Variants in ZBTB16 observed in about 807,000 individuals in gnomAD.
ZBTB16 encodes the protein zinc finger and BTB domain containing 16, also known as zinc finger and BTB domain-containing protein 16.
In ZBTB16, 8 loss-of-function variants were observed where a neutral mutation model predicts 56.8. The observed-to-expected ratio is 0.14, with a 90% CI of 0.08 to 0.25. The LOEUF (loss-of-function observed/expected upper bound fraction) is 0.25. Ranked by LOEUF, ZBTB16 falls within the 10% of genes least tolerant of loss-of-function variation. ZBTB16 has a pLI of 1.00. For missense variants in ZBTB16, 625 were observed against 903.0 expected (o/e 0.69, Z 3.95); for synonymous variants, 363 against 368.5 (o/e 0.98, Z 0.17).
In ZBTB16 at chr11:114,147,546, C is replaced by T. The variant is rs182925891; in HGVS notation, c.1269-8791C>T. 3.3e-5 allele frequency among the ~76,000 whole-genome samples: 5 copies of T among 152,160 alleles called. No homozygotes were observed. The East Asian group carries it at 9.6e-4, about 29-fold the overall frequency. The stretch of plus-strand genomic sequence containing the variant: ...GAATATTTTGGATTTATTTTTGTTT[C>T]CCTTGGGCTGACATCATCAAGCATG... On this transcript the variant is annotated intron_variant, in intron 2 of 6. Transcript: ENST00000335953.
Position 114,060,803 on chromosome 11 carries a change from C to A in ZBTB16, c.-91+921C>A, listed in dbSNP as rs1938812499. On this transcript the variant is annotated intron_variant, in intron 1 of 6. Transcript: ENST00000335953. This position sits in a 1 kb window ranked among gnomAD's most constrained non-coding sequence, Gnocchi z 6.0. ...ACCGTGCTTGGGCCGGGCGCGCTGG[C>A]CGCTGGCGCCGCTGGCCAGAGGCCT... is the stretch of plus-strand genomic sequence containing the variant. Among the ~76,000 whole-genome samples the A allele has an allele frequency of 6.6e-6, 1 of 152,008 alleles. No homozygotes were observed. Among genetic ancestry groups the A allele is most frequent in the Non-Finnish European group, 1.5e-5 (1 of 67,978 alleles).
chr11:114,075,117 T>C (rs1939499944), intron 2 of ZBTB16, among the ~76,000 whole-genome samples: 3 of 152,206 alleles, frequency 2.0e-5, no homozygotes, highest in East Asian at 1.9e-4. Context: ...TTTTCTTTTT[T>C]CTTTTTCTTG....
At chr11:114,177,235 C>T (rs769975440) in intron 3 of ZBTB16, among the ~76,000 whole-genome samples, 36 of 152,330 alleles carry the variant, frequency 2.4e-4, no homozygotes, top group Non-Finnish European at 4.6e-4. Flanking sequence ...GAAGTTGATG[C>T]TGGTACCGTA....
At chr11:114,126,671 C>G (rs1941517120) in intron 2 of ZBTB16, among the ~76,000 whole-genome samples, 1 of 152,168 alleles carries the variant, frequency 6.6e-6, no homozygotes, top group Non-Finnish European at 1.5e-5. Context: ...ATTACTGTCT[C>G]TTGAGCGAGG....
chr11:114,099,430 T>C, intron 2 of ZBTB16, among the ~76,000 whole-genome samples: 1 of 152,100 alleles, frequency 6.6e-6, no homozygotes, highest in African/African-American at 2.4e-5. Context: ...GTAGGTATTA[T>C]TTAGATTTAT....
chr11:114,174,401 C>G (rs1442504522), intron 3 of ZBTB16, among the ~76,000 whole-genome samples: 1 of 151,832 alleles, frequency 6.6e-6, no homozygotes, highest in Non-Finnish European at 1.5e-5. Context: ...ATATCTAAGG[C>G]CAGGCATGGT....
chr11:114,198,807 T>C (rs962832208), intron 4 of ZBTB16, among the ~76,000 whole-genome samples: 1 of 152,178 alleles, frequency 6.6e-6, no homozygotes, highest in African/African-American at 2.4e-5. Context: ...TGGTGTACAG[T>C]CTGTGGATTT....
chr11:114,224,869 C>G (rs1365858891), intron 4 of ZBTB16, among the ~76,000 whole-genome samples: 2 of 152,180 alleles, frequency 1.3e-5, no homozygotes, highest in Non-Finnish European at 2.9e-5. Flanking sequence ...GTCTGTTGCT[C>G]TTAGTGACAT....
chr11:114,209,977 C>G (rs1943962125), intron 4 of ZBTB16: 2 of 984,284 alleles, frequency 2.0e-6, no homozygotes, highest in Non-Finnish European at 2.4e-6. Context: ...TTATTAGGAG[C>G]AAGACTTCAG....
intron 3 of ZBTB16, among the ~76,000 whole-genome samples, chr11:114,177,095 A>AATTATTCTATAAT (rs1943135536): frequency 6.6e-6 from 1 of 152,138 alleles, no homozygotes; most frequent in African/African-American, 2.4e-5. Flanking sequence ...GATGAAGTGA[A>AATTATTCTATAAT]ATTATTCTAT....
chr11:114,135,137 A>G (rs975975575), intron 2 of ZBTB16, among the ~76,000 whole-genome samples: 2 of 152,224 alleles, frequency 1.3e-5, no homozygotes, highest in African/African-American at 4.8e-5. Flanking sequence ...GGGGAACTAT[A>G]CATTCCAGTG....
chr11:114,124,292 G>A (rs755071194), intron 2 of ZBTB16, among the ~76,000 whole-genome samples: 10 of 151,944 alleles, frequency 6.6e-5, no homozygotes, highest in Non-Finnish European at 1.0e-4. Context: ...AGAAGAAGAG[G>A]GGCTCTGGGT....
At chr11:114,069,247 G>A (rs1209700432) in intron 2 of ZBTB16, among the ~76,000 whole-genome samples, 5 of 152,136 alleles carry the variant, frequency 3.3e-5, no homozygotes, top group African/African-American at 7.2e-5. Context: ...CACCACGCCC[G>A]GCTAATTTTT....
intron 2 of ZBTB16, among the ~76,000 whole-genome samples, chr11:114,133,943 C>T (rs549050481): frequency 2.6e-4 from 40 of 152,306 alleles, no homozygotes; most frequent in Admixed American, 1.5e-3. Flanking sequence ...TTGACATCTC[C>T]CATGGAGGTG....
intron 2 of ZBTB16, among the ~76,000 whole-genome samples, chr11:114,097,880 C>T (rs1940474845): frequency 6.6e-6 from 1 of 152,050 alleles, no homozygotes; most frequent in Admixed American, 6.6e-5. Context: ...ATATCTGTGG[C>T]CTTACAACAC....
At chr11:114,115,677 G>A (rs893723623) in intron 2 of ZBTB16, among the ~76,000 whole-genome samples, 5 of 152,150 alleles carry the variant, frequency 3.3e-5, no homozygotes, top group Non-Finnish European at 5.9e-5. Context: ...CTGAAGAGAG[G>A]TTGTCTAACA....
chr11:114,083,119 A>T (rs1939831675), intron 2 of ZBTB16, among the ~76,000 whole-genome samples: 1 of 152,164 alleles, frequency 6.6e-6, no homozygotes, highest in African/African-American at 2.4e-5. Flanking sequence ...GGTTCCACGG[A>T]TGCCTTTTTG....
chr11:114,141,200 G>A (rs1941936948), intron 2 of ZBTB16, among the ~76,000 whole-genome samples: 1 of 152,182 alleles, frequency 6.6e-6, no homozygotes, highest in African/African-American at 2.4e-5. Flanking sequence ...ATCACACGGT[G>A]CTCCCCGTCT....
At chr11:114,073,158 G>C (rs1420806008) in intron 2 of ZBTB16, among the ~76,000 whole-genome samples, 1 of 151,740 alleles carries the variant, frequency 6.6e-6, no homozygotes, top group Non-Finnish European at 1.5e-5. Context: ...GGCTTCACCA[G>C]CTCTGGCCTC....
Sources: allele counts gnomAD v4.1 joint callset (sites outside exome capture counted in the v4.1 genomes callset), GRCh38; gene constraint gnomAD v4.1.1; non-coding constraint Gnocchi (gnomAD v3.1); transcripts MANE v1.5; gene names NCBI Gene and HGNC (gene_info 2026-07-23, HGNC 2026-07-21).